P2RX1: variants seen among roughly 807,000 people sequenced by gnomAD.
P2RX1 encodes purinergic receptor P2X 1.
P2RX1 carries 42 observed loss-of-function variants against 50.3 expected under a neutral mutation model. The ratio of observed to expected loss-of-function variants is 0.83; its 90% confidence interval spans 0.65 to 1.08. The LOEUF (loss-of-function observed/expected upper bound fraction) is 1.08. Ranked by LOEUF, P2RX1 falls within the 50% of genes least tolerant of loss-of-function variation. The pLI is 0.00. For synonymous variants in P2RX1, 199 were observed against 202.6 expected, an observed-to-expected ratio of 0.98 and a Z score of 0.15; for missense variants, 449 against 529.0, an observed-to-expected ratio of 0.85 and a Z score of 1.48.
At chr17:3,904,070 G>T in intron 4 of P2RX1, 46 bp from the exon 5 acceptor site, 2 of 1,478,446 alleles carry the variant, frequency 1.4e-6, no homozygotes, top group Non-Finnish European at 1.9e-6. Context: ...AAACAGAGGA[G>T]GCCGCCCCAG....
At chr17:3,908,569 C>T (rs1321768951) in intron 1 of P2RX1, among the ~76,000 whole-genome samples, 3 of 151,982 alleles carry the variant, frequency 2.0e-5, no homozygotes, top group Non-Finnish European at 4.4e-5. Context: ...CTCAAAAAAA[C>T]AAAAAATAAT....
At chr17:3,912,416 C>T (rs752900983) in intron 1 of P2RX1, among the ~76,000 whole-genome samples, 20 of 152,058 alleles carry the variant, frequency 1.3e-4, no homozygotes, top group Admixed American at 3.3e-4. Context: ...CTGCCATCTC[C>T]GCCCCCCAAG....
intron 1 of P2RX1, among the ~76,000 whole-genome samples, chr17:3,906,502 A>G (rs2144029810): frequency 6.6e-6 from 1 of 152,336 alleles, no homozygotes; most frequent in South Asian, 2.1e-4. Context: ...TGGGGATGGC[A>G]CAGAATAAAT....
intron 3 of P2RX1, 166 bp downstream of exon 3, chr17:3,904,692 T>C: frequency 3.0e-6 from 2 of 660,032 alleles, no homozygotes; most frequent in Non-Finnish European, 5.4e-6. Flanking sequence ...GGCTCAGCTC[T>C]GCAAGGGTTG....
chr17:3,897,762 G>A lies in P2RX1; in HGVS notation c.*52C>T. On this transcript the variant is annotated 3_prime_UTR_variant, in exon 12 of 12. Coordinates refer to ENST00000225538, the MANE Select transcript of P2RX1 (RefSeq NM_002558.4). ...TCTGCCCTGGCTGGGACCCACCAGGGCTCCAGGCTGAAGCCTCACGCTGCA... is the reference window on the plus strand; with the variant it reads ...TCTGCCCTGGCTGGGACCCACCAGGACTCCAGGCTGAAGCCTCACGCTGCA... The A allele has an allele frequency of 1.3e-6, 2 of 1,554,122 alleles. No individual in the cohort carries two copies. Among genetic ancestry groups the A allele is most frequent in the Non-Finnish European group, 1.8e-6 (2 of 1,131,854 alleles).
intron 1 of P2RX1, among the ~76,000 whole-genome samples, chr17:3,915,189 G>A (rs1004748384): frequency 1.3e-5 from 2 of 152,222 alleles, no homozygotes; most frequent in Non-Finnish European, 1.5e-5. Flanking sequence ...GGGCCTCCAG[G>A]AGACCTCTGC....
rs1346505439 is a variant in P2RX1 at position 3,897,790 on chromosome 17, C to T, written c.*24G>A. The T allele has an allele frequency of 6.2e-7, 1 of 1,609,404 alleles. No individual in the cohort carries two copies. Among genetic ancestry groups the T allele is most frequent in the Non-Finnish European group, 8.5e-7 (1 of 1,177,776 alleles). ...CCAGGCTGAAGCCTCACGCTGCACC[C>T]AGTCAGGAGTTGGGGCCCGAGCATC... On this transcript the variant is annotated 3_prime_UTR_variant, in exon 12 of 12. Transcript: ENST00000225538.
intron 7 of P2RX1, among the ~76,000 whole-genome samples, chr17:3,901,955 C>A (rs1057422469): frequency 3.9e-5 from 6 of 152,012 alleles, no homozygotes; most frequent in Non-Finnish European, 5.9e-5. Flanking sequence ...AGTTAAGAGA[C>A]TTGTCTGAGT....
intron 1 of P2RX1, 158 bp downstream of exon 1, chr17:3,915,931 G>T: frequency 1.1e-6 from 1 of 911,412 alleles, no homozygotes. Context: ...ACAGCGAGTT[G>T]GCAGGATTTT....
At chr17:3,901,398 G>C (rs1338763463) in intron 7 of P2RX1, among the ~76,000 whole-genome samples, 1 of 152,170 alleles carries the variant, frequency 6.6e-6, no homozygotes, top group Non-Finnish European at 1.5e-5. Flanking sequence ...GGAACAGGGA[G>C]GTCTAACATT....
chr17:3,909,970 CTT>C (rs751349796), intron 1 of P2RX1, among the ~76,000 whole-genome samples: 81 of 107,406 alleles, frequency 7.5e-4, no homozygotes, highest in African/African-American at 2.5e-3. Flanking sequence ...CTGATAAATT[CTT>C]TTTTTTTTTT....
rs1296881960 is a variant in P2RX1 at position 3,899,760 on chromosome 17, C to T, written c.749G>A (p.Gly250Asp). The T allele has an allele frequency of 2.5e-6, 4 of 1,613,466 alleles. No homozygotes were observed. The highest frequency in any genetic ancestry group is 2.2e-5 in the South Asian group (2 of 91,060). The change falls in exon 8 of 12, where the codon GGT (glycine) becomes GAT (aspartate). Residue 250 changes from glycine to aspartate, a missense_variant and splice_region_variant. Gly to Asp is a moderately conservative substitution (Grantham distance 94). Coordinates refer to ENST00000225538, the MANE Select transcript of P2RX1 (RefSeq NM_002558.4). ...GQNFSTLAEK[G>D]GVVGITIDWH... The stretch of plus-strand genomic sequence containing the variant: ...GTCGATGGTGATGCCAACCACTCCA[C>T]CCTGCCAGGGACACAAGTAGTTAAG...
In P2RX1 at chr17:3,903,837, GA is replaced by G; in HGVS notation, c.524+90del. The G allele has an allele frequency of 1.6e-6, 2 of 1,252,992 alleles. No individual in the cohort carries two copies. Among genetic ancestry groups the G allele is most frequent in the Non-Finnish European group, 2.3e-6 (2 of 856,274 alleles). The allele number at this position is 1,252,992 out of a possible 1,614,324, so 77.6% of individuals were successfully genotyped here. On this transcript the variant is annotated intron_variant, in intron 5 of 11. Coordinates refer to ENST00000225538, the MANE Select transcript of P2RX1 (RefSeq NM_002558.4). The surrounding 1 kb of genome is among the most constrained non-coding windows in gnomAD (Gnocchi z 4.6). ...CGCGGATGGGGTGAGGGTGGGGTCA[GA>G]AAAAGGGGTAAAGATCCTTTCTAGA...
chr17:3,916,020 G>T (rs773389467), intron 1 of P2RX1, 69 bp downstream of exon 1: 3 of 1,572,604 alleles, frequency 1.9e-6, no homozygotes, highest in East Asian at 2.3e-5. Context: ...TCACGCAAGG[G>T]ATGTCAGAGT....
Position 3,905,307 on chromosome 17 carries a change from A to G in P2RX1, c.198T>C (p.Ser66=). 6.2e-7 allele frequency: 1 copy of G among 1,613,974 alleles called. No homozygotes were observed. The highest frequency in any genetic ancestry group is 8.5e-7 in the Non-Finnish European group (1 of 1,179,998). Residue 66 remains serine (S), a synonymous_variant, in exon 2 of 12, where the codon TCT becomes TCC. Coordinates refer to ENST00000225538, the MANE Select transcript of P2RX1 (RefSeq NM_002558.4). The stretch of plus-strand genomic sequence containing the variant: ...TCACGGCCAGGCCCTTGAGTTTCAC[A>G]GAGACACTGCTGATGAGGCCGCTCG... ...QTSSGLISSV[S]VKLKGLAVTQ...
chr17:3,916,205 C>T lies in P2RX1; in HGVS notation c.21G>A (p.Glu7=). 6.2e-7 allele frequency: 1 copy of T among 1,612,008 alleles called. No individual in the cohort carries two copies. Among genetic ancestry groups the T allele is most frequent in the Non-Finnish European group, 8.5e-7 (1 of 1,179,122 alleles). ...ACTCGAAGAGGAAGGCGGCCAGCTC[C>T]TCCTGGAACCGCCGTGCCATGGTGG... MARRFQ[E]ELAAFLFEYD... is the part of the protein sequence containing the mutation. The change falls in exon 1 of 12, where the codon GAG becomes GAA. Residue 7 remains glutamate (E), a synonymous_variant. Transcript: ENST00000225538.
rs2056026821 is a variant in P2RX1, at chr17:3,896,648, C to G, written c.*1166G>C. 6.6e-6 allele frequency: 1 copy of G among 152,310 alleles called. No homozygotes were observed. Among genetic ancestry groups the G allele is most frequent in the Admixed American group, 6.5e-5 (1 of 15,282 alleles). The allele number at this position is 152,310 out of a possible 1,614,324, so 9.4% of individuals were successfully genotyped here. A position where few individuals can be genotyped will look rare whatever the true frequency, so the allele number is the denominator to read the frequency against. ...CGTCGCTTCCCCCAGACCTTCTGTTCAGACAGAGCCAGGCAGGCCTTGGGA... is the reference window on the plus strand; with the variant it reads ...CGTCGCTTCCCCCAGACCTTCTGTTGAGACAGAGCCAGGCAGGCCTTGGGA... On this transcript the variant is annotated 3_prime_UTR_variant, in exon 12 of 12. Transcript: ENST00000225538.
chr17:3,904,598 T>A lies in P2RX1; in HGVS notation c.358-199A>T, dbSNP rs1028848585. ...GGCGCCCCCCGGGCTCATGCCCAGC[T>A]GCCCACTGCCAATGTCAGCTGGGCG... On this transcript the variant is annotated intron_variant, in intron 3 of 11. Coordinates refer to ENST00000225538, the MANE Select transcript of P2RX1 (RefSeq NM_002558.4). 6.3e-6 allele frequency: 4 copies of A among 637,896 alleles called. No individual in the cohort carries two copies. The East Asian group carries it at 1.1e-4, about 17-fold the overall frequency. 39.5% of individuals were successfully genotyped at this position (637,896 alleles called of 1,614,324 possible).
In P2RX1 at chr17:3,904,336, C is replaced by T. The variant is rs1390738165; in HGVS notation, c.421G>A (p.Ala141Thr). ...AGGAGGAGGCTGACCTTACCTTGGG[C>T]CTTCCTCTTGGCCTTCCCAGGGGTA... ...GCTPGKAKRK[A>T]QGIRTGKCVA... The change falls in exon 4 of 12, where the codon GCC becomes ACC. Residue 141 changes from alanine to threonine, a missense_variant. Ala to Thr is a moderately conservative substitution (Grantham distance 58). Transcript: ENST00000225538. The T allele has an allele frequency of 1.9e-6, 3 of 1,613,736 alleles. No homozygotes were observed. In the African/African-American group the frequency reaches 4.0e-5, roughly 22 times the overall value.
Sources: allele counts gnomAD v4.1 joint callset (sites outside exome capture counted in the v4.1 genomes callset), GRCh38; gene constraint gnomAD v4.1.1; non-coding constraint Gnocchi (gnomAD v3.1); transcripts MANE v1.5; gene names NCBI Gene and HGNC (gene_info 2026-07-23, HGNC 2026-07-21).